Variants in GUSB observed in about 807,000 individuals in gnomAD.
The protein encoded by GUSB is beta-glucuronidase.
A neutral mutation model predicts 74.6 loss-of-function variants in GUSB; 51 were observed. The ratio of observed to expected loss-of-function variants is 0.68; its 90% CI spans 0.55 to 0.86. The LOEUF (loss-of-function observed/expected upper bound fraction) is 0.86. Ranked by LOEUF, GUSB falls within the 40% of genes least tolerant of loss-of-function variation. GUSB has a pLI of 0.00. For synonymous variants in GUSB, 360 were observed against 348.3 expected (o/e 1.03, Z -0.37); for missense variants, 736 against 853.7 (o/e 0.86, Z 1.72).
At chr7:65,975,472 C>T in intron 5 of GUSB, 1 of 276,778 alleles carries the variant, frequency 3.6e-6, no homozygotes, top group Non-Finnish European at 7.1e-6. Context: ...GCAGCCTCTG[C>T]CTCCTGAGTT....
In GUSB at chr7:65,979,891, C is replaced by T. The variant is rs1791874209; in HGVS notation, c.417G>A (p.Thr139=). The T allele has an allele frequency of 3.1e-6, 5 of 1,605,126 alleles. No homozygotes were observed. The highest frequency in any genetic ancestry group is 4.2e-6 in the Non-Finnish European group (5 of 1,177,168). Reference sequence around the variant, plus strand: ...GGAGGTAGCCCCCCTCATGCTCTAGCGTGTCGACCCCATTCACCCACTGCA... The same window carrying T: ...GGAGGTAGCCCCCCTCATGCTCTAGTGTGTCGACCCCATTCACCCACTGCA... ...YAIVWVNGVD[T]LEHEGGYLPF... Residue 139 remains threonine (T), a synonymous_variant, in exon 3 of 12, where the codon ACG becomes ACA. Transcript: ENST00000304895.
At chr7:65,974,179 G>A (rs1002214532) in intron 8 of GUSB, 116 bp downstream of exon 8, 14 of 917,972 alleles carry the variant, frequency 1.5e-5, no homozygotes, top group African/African-American at 3.3e-5. Context: ...GGGTATGGAC[G>A]GCCTTCCCAT....
intron 1 of GUSB, 38 bp from the exon 2 acceptor site, chr7:65,980,447 C>A (rs761157639): frequency 5.1e-6 from 8 of 1,580,504 alleles, no homozygotes; most frequent in Non-Finnish European, 6.1e-6. Context: ...CCTAGGCCCC[C>A]AAAAGGGTCC....
chr7:65,970,087 T>C (rs1162296239), intron 9 of GUSB, among the ~76,000 whole-genome samples, 195 bp downstream of exon 9: 2 of 152,062 alleles, frequency 1.3e-5, no homozygotes, highest in East Asian at 1.9e-4. Context: ...GGCAGGAGGA[T>C]TGCTTGAGCC....
In GUSB at chr7:65,967,854, G is replaced by A. The variant is rs981387734; in HGVS notation, c.1530C>T (p.Asp510=). Residue 510 remains aspartate, a synonymous_variant, in exon 10 of 12, where the codon GAC becomes GAT. Coordinates refer to ENST00000304895, the MANE Select transcript of GUSB (RefSeq NM_000181.4). Reference sequence around the variant, plus strand: ...GCTGAATCAACTCCAGGTGCCCGTAGTCGTGATACCAAGAGTAGTAGCTGT... The same window carrying A: ...GCTGAATCAACTCCAGGTGCCCGTAATCGTGATACCAAGAGTAGTAGCTGT... The part of the protein sequence containing the change: ...CLNSYYSWYH[D]YGHLELIQLQ... 1.2e-6 allele frequency: 2 copies of A among 1,606,930 alleles called. No homozygotes were observed. Among genetic ancestry groups the A allele is most frequent in the African/African-American group, 2.7e-5 (2 of 74,920 alleles).
intron 10 of GUSB, among the ~76,000 whole-genome samples, chr7:65,965,644 C>T (rs1483916817): frequency 2.0e-5 from 3 of 152,186 alleles, no homozygotes; most frequent in Non-Finnish European, 2.9e-5. Flanking sequence ...ATCCTCCCAC[C>T]TCAGCCTCCC....
rs74975849 is a variant in GUSB, at chr7:65,982,022, G to A, written c.162C>T (p.Asn54=). ...LWSFRADFSD[N]RRRGFEEQWY... ...ACTGCTCCTCGAAGCCCCGGCGTCGGTTGTCAGAGAAGTCGGCGCGGAAGC... is the reference window on the plus strand; with the variant it reads ...ACTGCTCCTCGAAGCCCCGGCGTCGATTGTCAGAGAAGTCGGCGCGGAAGC... Residue 54 remains asparagine, a synonymous_variant, in exon 1 of 12, where the codon AAC becomes AAT. Transcript: ENST00000304895. 2,704 of 1,610,444 alleles carry A rather than the reference G, an allele frequency of 1.7e-3. 42 individuals are homozygous for A. In the African/African-American group the frequency reaches 0.03, roughly 18 times the overall value.
chr7:65,980,558 G>C (rs1365766400), intron 1 of GUSB, 149 bp from the exon 2 acceptor site: 1 of 745,010 alleles, frequency 1.3e-6, no homozygotes, highest in East Asian at 2.7e-5. Flanking sequence ...CTGATGACAG[G>C]TCAACTGCCA....
intron 9 of GUSB, among the ~76,000 whole-genome samples, chr7:65,968,752 A>G (rs1044435987): frequency 1.3e-5 from 2 of 151,996 alleles, no homozygotes; most frequent in African/African-American, 2.4e-5. Context: ...ACGCCCAGCT[A>G]ATTTTTTGTA....
chr7:65,981,250 G>A (rs1444256300), intron 1 of GUSB, among the ~76,000 whole-genome samples: 3 of 125,152 alleles, frequency 2.4e-5, no homozygotes, highest in African/African-American at 6.2e-5. Flanking sequence ...TTTTTTTGGA[G>A]ACGTAGTCTC....
At chr7:65,969,552 C>G (rs932203055) in intron 9 of GUSB, among the ~76,000 whole-genome samples, 1 of 152,006 alleles carries the variant, frequency 6.6e-6, no homozygotes, top group East Asian at 1.9e-4. Flanking sequence ...ATAAAATTAG[C>G]TAGGCGCAGT....
intron 9 of GUSB, among the ~76,000 whole-genome samples, chr7:65,968,476 C>T (rs935940573): frequency 1.3e-5 from 2 of 152,188 alleles, no homozygotes; most frequent in African/African-American, 4.8e-5. Flanking sequence ...GGGCCCCCAC[C>T]ACTGGAACTG....
At chr7:65,967,703 CACAA>C in intron 10 of GUSB, 24 bp downstream of exon 10, 1 of 1,596,396 alleles carries the variant, frequency 6.3e-7, no homozygotes, top group Non-Finnish European at 8.6e-7. Flanking sequence ...TGAGAGAACA[CACAA>C]GCAGAAAGCT....
intron 9 of GUSB, among the ~76,000 whole-genome samples, chr7:65,969,999 G>C (rs1490947814): frequency 2.0e-5 from 3 of 152,144 alleles, no homozygotes; most frequent in African/African-American, 7.2e-5. Flanking sequence ...TTAACCCAAA[G>C]ACCATCTGTG....
intron 9 of GUSB, among the ~76,000 whole-genome samples, chr7:65,969,872 C>T (rs558300850): frequency 1.3e-5 from 2 of 152,142 alleles, no homozygotes; most frequent in African/African-American, 2.4e-5. Flanking sequence ...TCTATTAAAT[C>T]GAAGTGCAAA....
chr7:65,979,347 C>G (rs899223139), intron 4 of GUSB, 52 bp downstream of exon 4: 2 of 1,568,896 alleles, frequency 1.3e-6, no homozygotes, highest in South Asian at 2.2e-5. Flanking sequence ...AAACAGGGAA[C>G]AAACAGAGCC....
At position 65,961,022 on chromosome 7, in the gene GUSB, G is replaced by A. The variant is rs121918176; in HGVS notation, c.1831C>T (p.Arg611Trp). ...GCTGCACTTTTTGGTTGTCTCTGCC[G>A]AGTGAAGATCCCCTTTTTATTCCCC... ...VLGNKKGIFTRQRQPKSAAFL... is the reference protein window; with the variant it reads ...VLGNKKGIFTWQRQPKSAAFL... Residue 611 changes from arginine to tryptophan, a missense_variant, in exon 12 of 12, where the codon CGG (arginine) becomes TGG (tryptophan). Arg to Trp is a moderately radical substitution (Grantham distance 101). Coordinates refer to ENST00000304895, the MANE Select transcript of GUSB (RefSeq NM_000181.4). The A allele has an allele frequency of 5.0e-6, 8 of 1,612,522 alleles. No individual in the cohort carries two copies. Among genetic ancestry groups the A allele is most frequent in the Middle Eastern group, 1.6e-4 (1 of 6,078 alleles).
At chr7:65,972,155 A>C (rs537893433) in intron 8 of GUSB, among the ~76,000 whole-genome samples, 2 of 152,076 alleles carry the variant, frequency 1.3e-5, no homozygotes, top group East Asian at 3.9e-4. Context: ...CACAGTACAG[A>C]CTGTTTTTGT....
In GUSB at chr7:65,976,150, T is replaced by G; in HGVS notation, c.777A>C (p.Glu259Asp). The change falls in exon 5 of 12, where the codon GAA becomes GAC. Residue 259 changes from glutamate (E) to aspartate (D), a missense_variant. Physicochemically the swap from Glu to Asp is conservative, Grantham distance 45. Around this residue, in one of 2 missense-constraint regions of GUSB, gnomAD observed 368 missense variants for 363.8 expected, o/e 1.01. Transcript: ENST00000304895. ...TGTTTTCTGCATCCAAAAGACGCAC[T>G]TCCAACTTGAACAGGTTACTGCCCT... is the stretch of plus-strand genomic sequence containing the variant. ...SVKGSNLFKL[E>D]VRLLDAENKV... 1 of 1,613,738 alleles carries G rather than the reference T, an allele frequency of 6.2e-7. No individual in the cohort carries two copies. Among genetic ancestry groups the G allele is most frequent in the South Asian group, 1.1e-5 (1 of 91,064 alleles).
Sources: allele counts gnomAD v4.1 joint callset (sites outside exome capture counted in the v4.1 genomes callset), GRCh38; gene constraint gnomAD v4.1.1; regional missense constraint gnomAD v4.1.1; transcripts MANE v1.5; gene names NCBI Gene and HGNC (gene_info 2026-07-23, HGNC 2026-07-21).